Variants in FAM13A observed in about 807,000 individuals in gnomAD.
FAM13A encodes family with sequence similarity 13 member A.
A neutral mutation model predicts 129.6 loss-of-function variants in FAM13A; 76 were observed. The observed-to-expected ratio is 0.59, with a 90% CI of 0.49 to 0.71. The LOEUF is 0.71. Ranked by LOEUF, FAM13A falls within the 30% of genes least tolerant of loss-of-function variation. FAM13A has a pLI of 0.00. For synonymous variants in FAM13A, 443 were observed against 449.9 expected, an observed-to-expected ratio of 0.98 and a Z score of 0.20; for missense variants, 1,108 against 1,249.3, an observed-to-expected ratio of 0.89 and a Z score of 1.70.
chr4:88,989,006 G>A (rs1343291303), intron 4 of FAM13A, among the ~76,000 whole-genome samples: 4 of 151,932 alleles, frequency 2.6e-5, no homozygotes, highest in South Asian at 2.1e-4. Flanking sequence ...TCAGGAGTTC[G>A]AGACCAGCCT....
chr4:88,901,746 A>G (rs1469633381), intron 6 of FAM13A, among the ~76,000 whole-genome samples: 2 of 152,162 alleles, frequency 1.3e-5, no homozygotes, highest in South Asian at 2.1e-4. Flanking sequence ...AGAAATAACC[A>G]GTATCAGAGT....
chr4:88,932,550 TA>T (rs1753201291), intron 5 of FAM13A, among the ~76,000 whole-genome samples: 1 of 152,178 alleles, frequency 6.6e-6, no homozygotes, highest in African/African-American at 2.4e-5. Context: ...AAAAAGTGAA[TA>T]AACATTTGTT....
At chr4:88,808,943 A>G (rs1389673128) in intron 7 of FAM13A, among the ~76,000 whole-genome samples, 1 of 152,182 alleles carries the variant, frequency 6.6e-6, no homozygotes, top group African/African-American at 2.4e-5. Flanking sequence ...CTAAGAAGCT[A>G]CAACTAAGAA....
At chr4:88,893,816 G>C (rs963313269) in intron 6 of FAM13A, among the ~76,000 whole-genome samples, 1 of 119,754 alleles carries the variant, frequency 8.4e-6, no homozygotes, top group Admixed American at 9.6e-5. Context: ...GATGGAGCGA[G>C]ACTCCGTCTC....
chr4:88,793,020 T>C (rs1383566852), intron 8 of FAM13A, among the ~76,000 whole-genome samples: 1 of 152,040 alleles, frequency 6.6e-6, no homozygotes, highest in African/African-American at 2.4e-5. Flanking sequence ...ATACAGACTG[T>C]GATTCAGCAG....
chr4:88,732,775 T>C (rs1260658452), intron 21 of FAM13A, among the ~76,000 whole-genome samples: 1 of 152,004 alleles, frequency 6.6e-6, no homozygotes, highest in East Asian at 1.9e-4. Flanking sequence ...TATATTCTCA[T>C]GATTGAAATA....
At chr4:88,813,057 A>C (rs1331508962) in intron 7 of FAM13A, among the ~76,000 whole-genome samples, 1 of 152,064 alleles carries the variant, frequency 6.6e-6, no homozygotes, top group Non-Finnish European at 1.5e-5. Flanking sequence ...TTCCAACTGC[A>C]CAATAAGAGG....
At chr4:88,961,960 A>C (rs1758682495) in intron 4 of FAM13A, among the ~76,000 whole-genome samples, 1 of 152,120 alleles carries the variant, frequency 6.6e-6, no homozygotes, top group African/African-American at 2.4e-5. Context: ...AATTATAAAA[A>C]CGATTAAATT....
intron 16 of FAM13A, 46 bp downstream of exon 16, chr4:88,749,725 C>A (rs371746811): frequency 2.5e-6 from 4 of 1,599,450 alleles, no homozygotes; most frequent in Non-Finnish European, 3.4e-6. Context: ...GCTGCCATGT[C>A]CAGGGAGAGG....
At chr4:88,914,197 T>C (rs1749706828) in intron 5 of FAM13A, among the ~76,000 whole-genome samples, 2 of 152,152 alleles carry the variant, frequency 1.3e-5, no homozygotes, top group Admixed American at 1.3e-4. Flanking sequence ...CTTCCCTATG[T>C]GCACAGTCAC....
intron 1 of FAM13A, among the ~76,000 whole-genome samples, chr4:89,053,896 A>T (rs1314283631): frequency 6.6e-6 from 1 of 152,204 alleles, no homozygotes; most frequent in Admixed American, 6.5e-5. Context: ...ATAGAACAGC[A>T]GGAGAAGCAG....
At chr4:88,899,507 A>C (rs1172011538) in intron 6 of FAM13A, among the ~76,000 whole-genome samples, 2 of 152,062 alleles carry the variant, frequency 1.3e-5, no homozygotes, top group African/African-American at 4.8e-5. Flanking sequence ...GTAAGTAAAT[A>C]AATAAATAAA....
intron 7 of FAM13A, among the ~76,000 whole-genome samples, chr4:88,840,551 T>C (rs72872134): frequency 0.07 from 10,638 of 152,110 alleles, 519 homozygotes; most frequent in African/African-American, 0.14. Context: ...CAAGAATACA[T>C]GTACGTGACT....
intron 5 of FAM13A, among the ~76,000 whole-genome samples, chr4:88,927,030 G>T (rs1289705648): frequency 2.6e-5 from 4 of 151,920 alleles, no homozygotes; most frequent in Admixed American, 2.0e-4. Context: ...CTCCCTTGAT[G>T]GACATTAAGG....
intron 13 of FAM13A, among the ~76,000 whole-genome samples, chr4:88,761,661 G>T (rs1371731581): frequency 2.0e-5 from 3 of 152,174 alleles, no homozygotes; most frequent in Non-Finnish European, 2.9e-5. Context: ...CAGGAAGGGG[G>T]AATGGGACAT....
intron 7 of FAM13A, among the ~76,000 whole-genome samples, chr4:88,822,110 GTTTTCC>G (rs1732068205): frequency 6.6e-6 from 1 of 151,462 alleles, no homozygotes; most frequent in Non-Finnish European, 1.5e-5. Flanking sequence ...ACCTTCTATA[GTTTTCC>G]TAAATGAAAC....
At chr4:89,055,507 C>T (rs1035375028) in intron 1 of FAM13A, among the ~76,000 whole-genome samples, 1 of 152,030 alleles carries the variant, frequency 6.6e-6, no homozygotes, top group African/African-American at 2.4e-5. Context: ...GCATTCCAGT[C>T]AAGGTAGAGA....
At chr4:89,000,819 T>G (rs1764156876) in intron 3 of FAM13A, among the ~76,000 whole-genome samples, 1 of 152,176 alleles carries the variant, frequency 6.6e-6, no homozygotes, top group Non-Finnish European at 1.5e-5. Context: ...TAAAGATGAG[T>G]GTACCTACTT....
chr4:88,744,707 C>G (rs1560868105), intron 19 of FAM13A, among the ~76,000 whole-genome samples: 1 of 152,160 alleles, frequency 6.6e-6, no homozygotes, highest in East Asian at 1.9e-4. Context: ...GGTAACACCA[C>G]AAATCTAAGA....
Sources: gnomAD v4.1 joint callset for allele counts (sites outside exome capture counted in the v4.1 genomes callset) on GRCh38, gnomAD v4.1.1 for gene constraint, MANE v1.5 for transcripts, NCBI Gene and HGNC (gene_info 2026-07-23, HGNC 2026-07-21) for gene names.